KCNH1: variants seen among roughly 807,000 people sequenced by gnomAD.
KCNH1 encodes voltage-gated delayed rectifier potassium channel KCNH1.
A neutral mutation model predicts 69.2 loss-of-function variants in KCNH1; 27 were observed. The observed-to-expected ratio is 0.39, with a 90% CI of 0.29 to 0.54. The LOEUF is 0.54. KCNH1 is among the 20% of genes least tolerant of loss of function. The pLI is 0.68. For missense variants in KCNH1, 798 were observed against 1,261.6 expected (o/e 0.63, Z 5.57); for synonymous variants, 456 against 487.7 (o/e 0.93, Z 0.86).
At chr1:210,980,465 C>T (rs935546139) in intron 6 of KCNH1, among the ~76,000 whole-genome samples, 4 of 152,136 alleles carry the variant, frequency 2.6e-5, no homozygotes, top group Non-Finnish European at 5.9e-5. Context: ...AATGCACTAA[C>T]AGGAAACAAT....
intron 6 of KCNH1, among the ~76,000 whole-genome samples, chr1:211,005,823 T>C (rs774829353): frequency 1.8e-4 from 28 of 151,916 alleles, no homozygotes; most frequent in Non-Finnish European, 3.5e-4. Context: ...GGGAAAAAAA[T>C]ATTTACAGCA....
At chr1:210,789,413 C>T (rs1684171879) in intron 9 of KCNH1, among the ~76,000 whole-genome samples, 1 of 152,140 alleles carries the variant, frequency 6.6e-6, no homozygotes, top group Non-Finnish European at 1.5e-5. Context: ...TCCTCCTTTC[C>T]AAGAATGCTT....
chr1:211,126,863 C>A (rs892042434), intron 1 of KCNH1, among the ~76,000 whole-genome samples: 7 of 151,998 alleles, frequency 4.6e-5, no homozygotes, highest in Non-Finnish European at 7.4e-5. Flanking sequence ...TTTAAAGAAA[C>A]CTCAACTGCA....
intron 6 of KCNH1, among the ~76,000 whole-genome samples, chr1:210,953,373 A>G (rs1688099967): frequency 6.6e-6 from 1 of 152,158 alleles, no homozygotes; most frequent in Admixed American, 6.5e-5. Flanking sequence ...GGCTGTTCTC[A>G]CCATAAGATT....
intron 6 of KCNH1, among the ~76,000 whole-genome samples, chr1:210,994,316 T>G (rs1328855564): frequency 6.6e-6 from 1 of 152,256 alleles, no homozygotes; most frequent in Non-Finnish European, 1.5e-5. Context: ...GAATGCCTAT[T>G]GTGTGCCAGC....
intron 10 of KCNH1, 66 bp from the exon 11 acceptor site, chr1:210,684,204 C>T: frequency 2.1e-6 from 3 of 1,451,588 alleles, no homozygotes; most frequent in Non-Finnish European, 2.7e-6. Context: ...CAGCCCAGCT[C>T]AGCCCTTCTG....
At chr1:210,900,281 A>G (rs1686967225) in intron 7 of KCNH1, among the ~76,000 whole-genome samples, 1 of 152,240 alleles carries the variant, frequency 6.6e-6, no homozygotes, top group Non-Finnish European at 1.5e-5. Flanking sequence ...GCAACAGAGT[A>G]TCTGGCACAA....
intron 6 of KCNH1, among the ~76,000 whole-genome samples, chr1:210,980,603 G>A (rs187353376): frequency 6.6e-6 from 1 of 152,176 alleles, no homozygotes; most frequent in Admixed American, 6.6e-5. Flanking sequence ...AGAAAGCCCA[G>A]AGGAAAGAAA....
At chr1:210,704,646 TGAGA>T (rs894607174) in intron 10 of KCNH1, among the ~76,000 whole-genome samples, 4 of 152,236 alleles carry the variant, frequency 2.6e-5, no homozygotes, top group African/African-American at 9.6e-5. Context: ...TGACAGAGGC[TGAGA>T]GAGACAAGAT....
rs1684483227 is a variant in KCNH1, at chr1:210,804,070, C to T, written c.1559G>A (p.Arg520Gln). The change falls in exon 8 of 11, where the codon CGG becomes CAG. Residue 520 changes from arginine to glutamine, a missense_variant. Transcript: ENST00000271751. ...CACCTGGTAGAGCTTCAGGAAGTCC[C>T]GAACACTGTTGAGCATCTCATGGTA... Reference protein sequence around the residue: ...NRYHEMLNSVRDFLKLYQVPK... With the variant: ...NRYHEMLNSVQDFLKLYQVPK... 2 of 1,614,128 alleles carry T rather than the reference C, an allele frequency of 1.2e-6. No individual in the cohort carries two copies. The highest frequency in any genetic ancestry group is 1.7e-6 in the Non-Finnish European group (2 of 1,179,994).
At chr1:210,815,794 G>C (rs553773142) in intron 7 of KCNH1, among the ~76,000 whole-genome samples, 10 of 152,198 alleles carry the variant, frequency 6.6e-5, no homozygotes, top group African/African-American at 2.4e-4. Context: ...CCCACCTGGG[G>C]CGCTTTTGGC....
intron 10 of KCNH1, among the ~76,000 whole-genome samples, chr1:210,712,171 G>A (rs577988384): frequency 1.3e-5 from 2 of 152,250 alleles, no homozygotes; most frequent in Admixed American, 1.3e-4. Context: ...AATAGTAATC[G>A]TACATCTCCA....
intron 6 of KCNH1, among the ~76,000 whole-genome samples, chr1:210,924,134 A>G (rs140543136): frequency 7.9e-5 from 12 of 152,356 alleles, no homozygotes; most frequent in Admixed American, 1.3e-4. Context: ...AGAGAAAGGC[A>G]TGCAATAGAT....
intron 7 of KCNH1, among the ~76,000 whole-genome samples, chr1:210,806,836 A>AATATATATATATATATATATATATAT (rs1553346590): frequency 4.9e-4 from 42 of 85,504 alleles, no homozygotes; most frequent in South Asian, 9.3e-4. Flanking sequence ...AAAAAAAAAA[A>AATATATATATATATATATATATATAT]ATATATATAT....
chr1:210,861,841 A>C, intron 7 of KCNH1: 1 of 759,884 alleles, frequency 1.3e-6, no homozygotes, highest in Non-Finnish European at 2.5e-6. Flanking sequence ...ATAAAGGCAA[A>C]TAATTCCTAT....
At position 210,881,781 on chromosome 1, in the gene KCNH1, A is replaced by T. The variant is rs184486205; in HGVS notation, c.1462+37859T>A. Among the ~76,000 whole-genome samples, 17 of 152,344 alleles carry T rather than the reference A, an allele frequency of 1.1e-4. 2 individuals are homozygous for T. Among genetic ancestry groups the T allele is most frequent in the Admixed American group, 1.1e-3 (17 of 15,300 alleles). On this transcript the variant is annotated intron_variant, in intron 7 of 10. Coordinates refer to ENST00000271751, the MANE Select transcript of KCNH1 (RefSeq NM_172362.3). ...TTGCTATGTGAAAGAAGCCAATATG[A>T]AAAGGTTACTTACTGTATGATTCTA...
chr1:210,888,027 G>A (rs1385095518), intron 7 of KCNH1, among the ~76,000 whole-genome samples: 1 of 152,142 alleles, frequency 6.6e-6, no homozygotes, highest in East Asian at 1.9e-4. Flanking sequence ...AGGATATTCA[G>A]GACGCGAACT....
chr1:211,045,263 G>A (rs575585821), intron 5 of KCNH1, among the ~76,000 whole-genome samples: 47 of 151,516 alleles, frequency 3.1e-4, no homozygotes, highest in South Asian at 1.0e-3. Context: ...CGGAGACTCC[G>A]GGGAAAGGGT....
chr1:210,881,431 G>T (rs1686491439), intron 7 of KCNH1, among the ~76,000 whole-genome samples: 2 of 152,248 alleles, frequency 1.3e-5, no homozygotes, highest in South Asian at 4.2e-4. Flanking sequence ...ATGCAAAATG[G>T]TATAGCCACT....
Sources: gnomAD v4.1 joint callset for allele counts (sites outside exome capture counted in the v4.1 genomes callset) on GRCh38, gnomAD v4.1.1 for gene constraint, MANE v1.5 for transcripts, NCBI Gene and HGNC (gene_info 2026-07-23, HGNC 2026-07-21) for gene names.